RNF43: variants seen among roughly 807,000 people sequenced by gnomAD.
RNF43 encodes E3 ubiquitin-protein ligase RNF43.
In RNF43, 37 loss-of-function variants were observed where a neutral mutation model predicts 78.4. The ratio of observed to expected loss-of-function variants is 0.47; its 90% confidence interval spans 0.36 to 0.62. The LOEUF (loss-of-function observed/expected upper bound fraction) is 0.62. RNF43 is among the 20% of genes least tolerant of loss of function. The probability of loss-of-function intolerance (pLI) is 0.00; values close to 1 mark genes in which losing one functional copy is unlikely to be tolerated. For synonymous variants in RNF43, 347 were observed against 395.0 expected (o/e 0.88, Z 1.44); for missense variants, 774 against 1,007.9 (o/e 0.77, Z 3.14).
intron 2 of RNF43, among the ~76,000 whole-genome samples, chr17:58,397,431 C>T (rs779204364): frequency 2.6e-5 from 4 of 152,074 alleles, no homozygotes; most frequent in African/African-American, 7.2e-5. Context: ...GAGGCTGAGG[C>T]GGGAGGACCA....
chr17:58,370,750 T>A (rs1973075665), intron 3 of RNF43, among the ~76,000 whole-genome samples, 161 bp downstream of exon 3: 1 of 151,696 alleles, frequency 6.6e-6, no homozygotes, highest in Non-Finnish European at 1.5e-5. Flanking sequence ...AAAACAGAGG[T>A]GTGAATTTCC....
At chr17:58,359,223 A>T (rs900035340) in intron 8 of RNF43, among the ~76,000 whole-genome samples, 2 of 152,238 alleles carry the variant, frequency 1.3e-5, no homozygotes, top group Non-Finnish European at 2.9e-5. Flanking sequence ...TTGCCAGAAA[A>T]TTGGAATAAT....
chr17:58,408,662 A>C (rs1567897469), intron 2 of RNF43, among the ~76,000 whole-genome samples: 1 of 152,210 alleles, frequency 6.6e-6, no homozygotes. Flanking sequence ...GGTAAGTCAG[A>C]AGAGTAAAGG....
Position 58,358,054 on chromosome 17 carries a change from T to C in RNF43, c.1722A>G (p.Gly574=). The C allele has an allele frequency of 6.3e-7, 1 of 1,590,114 alleles. No homozygotes were observed. The highest frequency in any genetic ancestry group is 8.6e-7 in the Non-Finnish European group (1 of 1,168,394). The stretch of plus-strand genomic sequence containing the variant: ...GAATAGGAGGCCTGGACTGGGGGAC[T>C]CCGGTTTCTGGGCCAGGCTTCCTGC... ...WHGRKPGPET[G]VPQSRPPIPR... Residue 574 remains glycine, a synonymous_variant, in exon 9 of 10, where the codon GGA becomes GGG. Coordinates refer to ENST00000407977, the MANE Select transcript of RNF43 (RefSeq NM_017763.6). This position sits in a 1 kb window ranked among gnomAD's most constrained non-coding sequence, Gnocchi z 6.2.
At chr17:58,361,854 C>T (rs1176320040) in intron 6 of RNF43, among the ~76,000 whole-genome samples, 1 of 152,198 alleles carries the variant, frequency 6.6e-6, no homozygotes, top group African/African-American at 2.4e-5. Context: ...AGATCACTCC[C>T]TCTCCCATTT....
At chr17:58,373,451 G>T (rs1239638326) in intron 2 of RNF43, among the ~76,000 whole-genome samples, 1 of 152,196 alleles carries the variant, frequency 6.6e-6, no homozygotes, top group Non-Finnish European at 1.5e-5. Context: ...ATCAATAAAG[G>T]CCTCTTGTGT....
At chr17:58,365,286 A>G (rs1293202121) in intron 3 of RNF43, among the ~76,000 whole-genome samples, 1 of 152,202 alleles carries the variant, frequency 6.6e-6, no homozygotes, top group African/African-American at 2.4e-5. Context: ...CTCCTATTCC[A>G]GGGATTTGGC....
chr17:58,370,618 C>T (rs1281440136), intron 3 of RNF43, among the ~76,000 whole-genome samples: 15 of 152,306 alleles, frequency 9.8e-5, no homozygotes, highest in Non-Finnish European at 4.4e-5. Context: ...TTGACCCCTT[C>T]TTTGCTCTGG....
intron 6 of RNF43, among the ~76,000 whole-genome samples, chr17:58,362,111 A>C (rs1598132011): frequency 9.7e-6 from 1 of 102,744 alleles, no homozygotes; most frequent in Non-Finnish European, 2.3e-5. Flanking sequence ...ACAAACAAAC[A>C]AAAAAAAACC....
chr17:58,404,264 G>A (rs1438439679), intron 2 of RNF43, among the ~76,000 whole-genome samples: 2 of 152,062 alleles, frequency 1.3e-5, no homozygotes, highest in Non-Finnish European at 2.9e-5. Flanking sequence ...AACTAAATAG[G>A]CAAGATACAT....
In RNF43 at chr17:58,360,821, C is replaced by G. The variant is rs200423723; in HGVS notation, c.811G>C (p.Val271Leu). 5.0e-5 allele frequency: 80 copies of G among 1,613,012 alleles called. No homozygotes were observed. In the South Asian group the frequency reaches 8.5e-4, roughly 17 times the overall value. The change falls in exon 7 of 10, where the codon GTG becomes CTG. Residue 271 changes from valine to leucine, a missense_variant. Transcript: ENST00000407977. This position sits in a 1 kb window ranked among gnomAD's most constrained non-coding sequence, Gnocchi z 4.3. Reference protein sequence around the residue: ...DSGSSCSSAPVCAICLEEFSE... With the variant: ...DSGSSCSSAPLCAICLEEFSE... ...AACTCCTCCAGACAGATGGCACACA[C>G]AGGGGCTGAGCTGCAGCTGCTCCCT...
intron 2 of RNF43, among the ~76,000 whole-genome samples, chr17:58,406,283 C>A (rs1056806557): frequency 6.6e-6 from 1 of 152,056 alleles, no homozygotes; most frequent in African/African-American, 2.4e-5. Flanking sequence ...CCTGCAGTGA[C>A]CCCAAAAGGT....
intron 2 of RNF43, among the ~76,000 whole-genome samples, chr17:58,380,860 C>A (rs1160948334): frequency 6.6e-6 from 1 of 152,222 alleles, no homozygotes; most frequent in Non-Finnish European, 1.5e-5. Flanking sequence ...AGGTGTCCTG[C>A]AAACTCTGCT....
At chr17:58,394,847 A>T (rs1357265796) in intron 2 of RNF43, 3 of 152,276 alleles carry the variant, frequency 2.0e-5, no homozygotes, top group African/African-American at 7.2e-5. Context: ...GAACTTTAGG[A>T]CTTTTGGGGT....
At chr17:58,372,237 C>T (rs1268872534) in intron 2 of RNF43, among the ~76,000 whole-genome samples, 1 of 152,170 alleles carries the variant, frequency 6.6e-6, no homozygotes, top group Non-Finnish European at 1.5e-5. Context: ...AGGCTATTTC[C>T]TCTCACTGTG....
chr17:58,416,101 C>G, intron 1 of RNF43, 139 bp from the exon 2 acceptor site: 1 of 170,366 alleles, frequency 5.9e-6, no homozygotes. Flanking sequence ...TGGTAAATGA[C>G]TAAATACCAC....
At chr17:58,368,652 G>T (rs542286329) in intron 3 of RNF43, among the ~76,000 whole-genome samples, 1 of 151,082 alleles carries the variant, frequency 6.6e-6, no homozygotes, top group East Asian at 1.9e-4. Flanking sequence ...GGCAGAGGTT[G>T]CAGTGAGCCG....
At chr17:58,411,416 C>A (rs2143681540) in intron 2 of RNF43, among the ~76,000 whole-genome samples, 1 of 152,100 alleles carries the variant, frequency 6.6e-6, no homozygotes. Context: ...GTCCTGCCTA[C>A]AAATAATGTA....
chr17:58,415,944 T>C lies in RNF43; in HGVS notation c.-367A>G, dbSNP rs1974114360. 6.1e-6 allele frequency: 2 copies of C among 330,410 alleles called. No homozygotes were observed. The highest frequency in any genetic ancestry group is 4.1e-5 in the African/African-American group (2 of 48,864). 20.5% of individuals were successfully genotyped at this position (330,410 alleles called of 1,614,324 possible). A position where few individuals can be genotyped will look rare whatever the true frequency, so the allele number is the denominator to read the frequency against. ...GATCACTTGGCATTGCTCTTCCATA[T>C]GCATCAAGTTGCCAGGCACTAAACC... On this transcript the variant is annotated 5_prime_UTR_variant, in exon 2 of 10. Coordinates refer to ENST00000407977, the MANE Select transcript of RNF43 (RefSeq NM_017763.6).
Sources: allele counts gnomAD v4.1 joint callset (sites outside exome capture counted in the v4.1 genomes callset), GRCh38; gene constraint gnomAD v4.1.1; non-coding constraint Gnocchi (gnomAD v3.1); transcripts MANE v1.5; gene names NCBI Gene and HGNC (gene_info 2026-07-23, HGNC 2026-07-21).